Variants in ITM2B observed in about 807,000 individuals in gnomAD.
ITM2B encodes the protein integral membrane protein 2B.
In ITM2B, 11 loss-of-function variants were observed where a neutral mutation model predicts 27.8. The observed-to-expected ratio is 0.40, with a 90% CI of 0.25 to 0.66. ITM2B has a LOEUF of 0.66. ITM2B is among the 30% of genes least tolerant of loss of function. ITM2B has a pLI of 0.43. For missense variants in ITM2B, 296 were observed against 328.9 expected (o/e 0.90, Z 0.77); for synonymous variants, 114 against 114.3 (o/e 1.00, Z 0.02).
intron 5 of ITM2B, 123 bp downstream of exon 5, chr13:48,259,070 T>C: frequency 3.0e-6 from 2 of 669,536 alleles, no homozygotes; most frequent in South Asian, 4.0e-5. Context: ...TGTGTCGTTA[T>C]ATAATATTTC....
In ITM2B at chr13:48,233,234, C is replaced by T; in HGVS notation, c.-127C>T. Reference sequence around the variant, plus strand: ...AGCCGCCTCTGCCGCCGCGGAGCTTCCCGAACCTCTTCAGCCGCCCGGAGC... The same window carrying T: ...AGCCGCCTCTGCCGCCGCGGAGCTTTCCGAACCTCTTCAGCCGCCCGGAGC... On this transcript the variant is annotated 5_prime_UTR_variant, in exon 1 of 6. Transcript: ENST00000647800. 1.8e-6 allele frequency: 1 copy of T among 556,322 alleles called. No homozygotes were observed. The highest frequency in any genetic ancestry group is 3.1e-6 in the Non-Finnish European group (1 of 325,398). The allele number at this position is 556,322 out of a possible 1,614,324, so 34.5% of individuals were successfully genotyped here.
chr13:48,254,013 A>G (rs1951771230), intron 2 of ITM2B, 77 bp downstream of exon 2: 3 of 1,398,440 alleles, frequency 2.1e-6, no homozygotes, highest in South Asian at 1.2e-5. Flanking sequence ...AAAATTGTTT[A>G]CAACTTGCGC....
intron 5 of ITM2B, among the ~76,000 whole-genome samples, chr13:48,260,274 G>A (rs1348098221): frequency 6.6e-6 from 1 of 152,068 alleles, no homozygotes; most frequent in Admixed American, 6.6e-5. Context: ...TTGGTTCCAA[G>A]TTTGCTATTG....
At chr13:48,244,519 A>G (rs888002010) in intron 1 of ITM2B, among the ~76,000 whole-genome samples, 1 of 152,204 alleles carries the variant, frequency 6.6e-6, no homozygotes, top group African/African-American at 2.4e-5. Context: ...TAGAATTCCA[A>G]ACTTGGACAG....
At chr13:48,240,071 A>G (rs960914412) in intron 1 of ITM2B, among the ~76,000 whole-genome samples, 7 of 152,244 alleles carry the variant, frequency 4.6e-5, no homozygotes, top group East Asian at 3.8e-4. Flanking sequence ...TTACTTTGAT[A>G]CCTTGGGTAA....
At chr13:48,243,840 A>T (rs972016889) in intron 1 of ITM2B, among the ~76,000 whole-genome samples, 2 of 152,156 alleles carry the variant, frequency 1.3e-5, no homozygotes, top group South Asian at 2.1e-4. Context: ...TTAATTAATT[A>T]AAAAGTATAT....
chr13:48,253,666 G>A (rs1188943575), intron 1 of ITM2B, 142 bp from the exon 2 acceptor site: 13 of 825,582 alleles, frequency 1.6e-5, no homozygotes, highest in Non-Finnish European at 2.4e-5. Context: ...TCATTCCTGG[G>A]TTGATTTTGA....
chr13:48,259,197 A>G (rs1344090528), intron 5 of ITM2B, among the ~76,000 whole-genome samples: 1 of 152,244 alleles, frequency 6.6e-6, no homozygotes, highest in Admixed American at 6.5e-5. Context: ...TTTTCCATCT[A>G]GTTAGTCACC....
At chr13:48,237,137 A>G (rs550696788) in intron 1 of ITM2B, among the ~76,000 whole-genome samples, 1 of 151,994 alleles carries the variant, frequency 6.6e-6, no homozygotes, top group African/African-American at 2.4e-5. Flanking sequence ...TTTTTTGGGG[A>G]GTGAGGAGAA....
chr13:48,258,213 C>A lies in ITM2B; in HGVS notation c.541C>A (p.Leu181Met). The change falls in exon 4 of 6, where the codon CTG becomes ATG. Residue 181 changes from leucine (L) to methionine (M), a missense_variant. By Grantham distance (15) the Leu-to-Met change is conservative. Transcript: ENST00000647800. ...CATTGTTATGCCACCCAGAAACCTA[C>A]TGGAGTTACTTATTAACATCAAGGT... ...TSIVMPPRNL[L>M]ELLINIKAGT... 1 of 1,552,066 alleles carries A rather than the reference C, an allele frequency of 6.4e-7. No individual in the cohort carries two copies. The highest frequency in any genetic ancestry group is 8.9e-7 in the Non-Finnish European group (1 of 1,123,714).
At position 48,262,623 on chromosome 13, in the gene ITM2B, A is replaced by T. The variant is rs1951829177; in HGVS notation, c.*1399A>T. On this transcript the variant is annotated 3_prime_UTR_variant, in exon 6 of 6. Transcript: ENST00000647800. ...AGCTGTGAACATTTAGGAGCACATT[A>T]TTCATTCAGCATCTTTTATATGCCC... 6.6e-6 allele frequency: 1 copy of T among 152,174 alleles called. No homozygotes were observed. The highest frequency in any genetic ancestry group is 2.4e-5 in the African/African-American group (1 of 41,454). The allele number at this position is 152,174 out of a possible 1,614,324, so 9.4% of individuals were successfully genotyped here. A position where few individuals can be genotyped will look rare whatever the true frequency, so the allele number is the denominator to read the frequency against.
chr13:48,243,326 CTTAG>C (rs1054201308), intron 1 of ITM2B, among the ~76,000 whole-genome samples: 7 of 151,992 alleles, frequency 4.6e-5, no homozygotes, highest in South Asian at 4.2e-4. Flanking sequence ...GCTGGTGTGC[CTTAG>C]TTATTTTCCT....
chr13:48,239,031 T>C (rs939421397), intron 1 of ITM2B, among the ~76,000 whole-genome samples: 1 of 152,214 alleles, frequency 6.6e-6, no homozygotes, highest in African/African-American at 2.4e-5. Context: ...TTTTAAAAGA[T>C]GCATTGTTAA....
rs891194263 is a variant in ITM2B at position 48,233,323 on chromosome 13, G to T, written c.-38G>T. 11 of 1,379,636 alleles carry T rather than the reference G, an allele frequency of 8.0e-6. No homozygotes were observed. In the African/African-American group the frequency reaches 1.4e-4, roughly 17 times the overall value. The allele number at this position is 1,379,636 out of a possible 1,614,324, so 85.5% of individuals were successfully genotyped here. The stretch of plus-strand genomic sequence containing the variant: ...CGGGAGCCCGCAGCCCGCGCCCCGA[G>T]CCCGCCGCCGCCCTTCGAGGGCGCC... On this transcript the variant is annotated 5_prime_UTR_variant, in exon 1 of 6. Transcript: ENST00000647800.
At chr13:48,233,926 C>T (rs536929982) in intron 1 of ITM2B, among the ~76,000 whole-genome samples, 7 of 152,294 alleles carry the variant, frequency 4.6e-5, no homozygotes, top group Non-Finnish European at 7.4e-5. Flanking sequence ...ACTTTCGTTT[C>T]TAGGCTTGAA....
At chr13:48,246,704 A>C (rs1951726153) in intron 1 of ITM2B, among the ~76,000 whole-genome samples, 1 of 152,220 alleles carries the variant, frequency 6.6e-6, no homozygotes, top group African/African-American at 2.4e-5. Flanking sequence ...TCCCAGAAGG[A>C]AGTATACCCA....
rs564513679 is a variant in ITM2B, at chr13:48,246,557, G to A, written c.118-7251G>A. ...AATAATTAGCGGATCACCACATCAT[G>A]TCCTTTTGATGCTTTCATACTGAGG... On this transcript the variant is annotated intron_variant, in intron 1 of 5. Transcript: ENST00000647800. 2.6e-5 allele frequency among the ~76,000 whole-genome samples: 4 copies of A among 152,316 alleles called. 1 individual carries two copies. The highest frequency in any genetic ancestry group is 9.6e-5 in the African/African-American group (4 of 41,578).
intron 1 of ITM2B, among the ~76,000 whole-genome samples, chr13:48,244,749 T>C (rs755174738): frequency 3.2e-4 from 49 of 152,224 alleles, no homozygotes; most frequent in Admixed American, 5.9e-4. Context: ...CACTGAATTT[T>C]ATAATGAATT....
Position 48,262,078 on chromosome 13 carries a change from C to T in ITM2B, c.*854C>T, listed in dbSNP as rs1344524053. ...TTCTTTGTGGATACTATTAAAGTAA[C>T]ATTTAAGCCTCAACCTTGAATGATG... On this transcript the variant is annotated 3_prime_UTR_variant, in exon 6 of 6. Coordinates refer to ENST00000647800, the MANE Select transcript of ITM2B (RefSeq NM_021999.5). 6.6e-6 allele frequency: 1 copy of T among 152,040 alleles called. No individual in the cohort carries two copies. 9.4% of individuals were successfully genotyped at this position (152,040 alleles called of 1,614,324 possible).
Sources: gnomAD v4.1 joint callset for allele counts (sites outside exome capture counted in the v4.1 genomes callset) on GRCh38, gnomAD v4.1.1 for gene constraint, MANE v1.5 for transcripts, NCBI Gene and HGNC (gene_info 2026-07-23, HGNC 2026-07-21) for gene names.